The following CATSPER3 variants were observed in gnomAD, a reference collection of about 807,000 sequenced individuals.
CATSPER3 encodes cation channel sperm-associated protein 3.
In CATSPER3, 23 loss-of-function variants were observed where a neutral mutation model predicts 36.6. The ratio of observed to expected loss-of-function variants is 0.63; its 90% CI spans 0.45 to 0.89. The LOEUF is 0.89. Among genes scored for constraint, CATSPER3 ranks in the 40% least tolerant of loss-of-function variants. The pLI, the probability that CATSPER3 is intolerant of heterozygous loss-of-function variation, is 0.00. For synonymous variants in CATSPER3, 172 were observed against 184.1 expected (o/e 0.93, Z 0.53); for missense variants, 474 against 503.9 (o/e 0.94, Z 0.57).
At chr5:135,009,548 G>A in intron 6 of CATSPER3, 58 bp downstream of exon 6, 2 of 1,589,582 alleles carry the variant, frequency 1.3e-6, no homozygotes, top group South Asian at 2.2e-5. Context: ...AGGCTGATGA[G>A]ATGGCCAGGA....
chr5:134,979,555 A>G (rs1751722950), intron 2 of CATSPER3, among the ~76,000 whole-genome samples: 4 of 152,164 alleles, frequency 2.6e-5, no homozygotes, highest in African/African-American at 7.2e-5. Flanking sequence ...GGCTATAGAG[A>G]GGGAATTTCT....
chr5:134,982,644 C>G (rs1427342370), intron 2 of CATSPER3, among the ~76,000 whole-genome samples: 6 of 152,026 alleles, frequency 3.9e-5, no homozygotes, highest in Admixed American at 2.0e-4. Flanking sequence ...TCCAGATAAA[C>G]AAAAATGAGA....
At chr5:134,989,546 A>G (rs533829649) in intron 2 of CATSPER3, among the ~76,000 whole-genome samples, 5 of 152,302 alleles carry the variant, frequency 3.3e-5, no homozygotes, top group African/African-American at 1.2e-4. Flanking sequence ...ATTTTCTCAA[A>G]CCTCAAGAAC....
intron 2 of CATSPER3, among the ~76,000 whole-genome samples, chr5:134,975,849 A>G (rs958269036): frequency 6.6e-6 from 1 of 152,256 alleles, no homozygotes; most frequent in Non-Finnish European, 1.5e-5. Context: ...ACTGTTCTGA[A>G]TAGCCAAGAT....
chr5:134,985,037 TTGAACTCC>T (rs1751792779), intron 2 of CATSPER3, among the ~76,000 whole-genome samples: 1 of 152,186 alleles, frequency 6.6e-6, no homozygotes, highest in African/African-American at 2.4e-5. Flanking sequence ...CAGGCTGGTC[TTGAACTCC>T]TGGCCTTGAG....
intron 2 of CATSPER3, among the ~76,000 whole-genome samples, chr5:134,982,895 A>G (rs1046098470): frequency 2.0e-5 from 3 of 152,260 alleles, no homozygotes; most frequent in Non-Finnish European, 4.4e-5. Context: ...GGAGTAGTTT[A>G]TAATCACAAA....
intron 3 of CATSPER3, among the ~76,000 whole-genome samples, chr5:135,006,321 A>G (rs1232808043): frequency 6.6e-6 from 1 of 152,194 alleles, no homozygotes; most frequent in Non-Finnish European, 1.5e-5. Context: ...AGGTGGCACC[A>G]GCTTGTGGGC....
At chr5:134,991,372 G>T (rs1176651940) in intron 2 of CATSPER3, among the ~76,000 whole-genome samples, 1 of 152,200 alleles carries the variant, frequency 6.6e-6, no homozygotes, top group African/African-American at 2.4e-5. Context: ...TGGAGGACTT[G>T]CACTTTCTGA....
chr5:135,006,968 G>A (rs1052111434), intron 3 of CATSPER3, among the ~76,000 whole-genome samples: 14 of 152,212 alleles, frequency 9.2e-5, no homozygotes, highest in South Asian at 6.2e-4. Flanking sequence ...TGCAGGCAGC[G>A]CCAAACCGTT....
intron 3 of CATSPER3, among the ~76,000 whole-genome samples, chr5:134,997,892 T>G (rs1023394986): frequency 6.6e-6 from 1 of 152,192 alleles, no homozygotes; most frequent in Non-Finnish European, 1.5e-5. Flanking sequence ...TCCCAAACCC[T>G]GGCTTCCCCT....
chr5:135,006,902 A>G (rs993500154), intron 3 of CATSPER3, among the ~76,000 whole-genome samples: 10 of 152,006 alleles, frequency 6.6e-5, no homozygotes, highest in Admixed American at 1.3e-4. Flanking sequence ...TAATCCAAAA[A>G]CATTTATTTT....
At chr5:134,992,060 T>A (rs550411220) in intron 2 of CATSPER3, among the ~76,000 whole-genome samples, 13 of 151,172 alleles carry the variant, frequency 8.6e-5, no homozygotes, top group Non-Finnish European at 1.6e-4. Flanking sequence ...AGGTTGAGGC[T>A]GCAGTGAGCC....
At chr5:134,977,477 A>G (rs1580903400) in intron 2 of CATSPER3, among the ~76,000 whole-genome samples, 2 of 152,176 alleles carry the variant, frequency 1.3e-5, no homozygotes, top group African/African-American at 2.4e-5. Context: ...GTAGTTCTCA[A>G]TAGACTCCAC....
rs554075852 is a variant in CATSPER3 at position 135,009,823 on chromosome 5, G to A, written c.936+333G>A. Among the ~76,000 whole-genome samples the A allele has an allele frequency of 9.2e-5, 14 of 152,324 alleles. No homozygotes were observed. In the South Asian group the frequency reaches 2.5e-3, roughly 27 times the overall value. On this transcript the variant is annotated intron_variant, in intron 6 of 7. Transcript: ENST00000282611. Reference sequence around the variant, plus strand: ...GACTCACTGGATGCCAGGCAGCCATGGCCCCAGGCCACTGAGTGGACGAGG... The same window carrying A: ...GACTCACTGGATGCCAGGCAGCCATAGCCCCAGGCCACTGAGTGGACGAGG...
intron 3 of CATSPER3, among the ~76,000 whole-genome samples, chr5:135,006,490 G>A (rs1250882628): frequency 6.6e-6 from 1 of 152,054 alleles, no homozygotes; most frequent in African/African-American, 2.4e-5. Flanking sequence ...TTTCATCTTA[G>A]TCCTTGGGAA....
chr5:134,986,458 CTTTTTT>C (rs61671231), intron 2 of CATSPER3, among the ~76,000 whole-genome samples: 1 of 116,620 alleles, frequency 8.6e-6, no homozygotes, highest in African/African-American at 3.8e-5. Context: ...ACAGCATACC[CTTTTTT>C]TTTTTTTTTT....
intron 2 of CATSPER3, 62 bp downstream of exon 2, chr5:134,970,154 A>T: frequency 6.6e-7 from 1 of 1,512,982 alleles, no homozygotes; most frequent in Non-Finnish European, 9.1e-7. Context: ...TTCTGGAAAC[A>T]TTATAAGATT....
chr5:134,999,379 C>T (rs1443274551), intron 3 of CATSPER3, among the ~76,000 whole-genome samples: 1 of 152,096 alleles, frequency 6.6e-6, no homozygotes, highest in Non-Finnish European at 1.5e-5. Context: ...TTAGGATTGT[C>T]TTGGCAATGC....
rs751009312 is a variant in CATSPER3 at position 134,968,013 on chromosome 5, C to A, written c.22C>A (p.Arg8Ser). 1.9e-6 allele frequency: 3 copies of A among 1,613,786 alleles called. No individual in the cohort carries two copies. In the African/African-American group the frequency reaches 4.0e-5, roughly 22 times the overall value. Residue 8 changes from arginine to serine, a missense_variant, in exon 1 of 8, where the codon CGC (arginine) becomes AGC (serine). Arg to Ser is a moderately radical substitution (Grantham distance 110). Transcript: ENST00000282611. MSQHRHQ[R>S]HSRVISSSPV... Reference sequence around the variant, plus strand: ...GAAAATGTCTCAACACCGTCACCAGCGCCACTCGAGAGTCATTTCTAGTTC... The same window carrying A: ...GAAAATGTCTCAACACCGTCACCAGAGCCACTCGAGAGTCATTTCTAGTTC...
Sources: gnomAD v4.1 joint callset for allele counts (sites outside exome capture counted in the v4.1 genomes callset) on GRCh38, gnomAD v4.1.1 for gene constraint, MANE v1.5 for transcripts, NCBI Gene and HGNC (gene_info 2026-07-23, HGNC 2026-07-21) for gene names.